The following HIBADH variants were observed in gnomAD, a reference collection of about 807,000 sequenced individuals.
HIBADH encodes the protein 3-hydroxyisobutyrate dehydrogenase, mitochondrial.
Under a neutral mutation model 36.1 loss-of-function variants are expected in HIBADH, and 25 were observed. That is an observed-to-expected ratio of 0.69 (90% confidence interval 0.50 to 0.97). HIBADH has a LOEUF of 0.97. Ranked by LOEUF, HIBADH falls within the 50% of genes least tolerant of loss-of-function variation. The pLI is 0.00. For missense variants in HIBADH, 421 were observed against 418.0 expected, an observed-to-expected ratio of 1.01 and a Z score of -0.06; for synonymous variants, 160 against 149.5, an observed-to-expected ratio of 1.07 and a Z score of -0.51.
chr7:27,570,477 T>C (rs1463122779), intron 4 of HIBADH, among the ~76,000 whole-genome samples: 1 of 152,188 alleles, frequency 6.6e-6, no homozygotes, highest in Non-Finnish European at 1.5e-5. Context: ...CACGATATTC[T>C]AGAAGAGGCA....
chr7:27,636,095 G>T (rs541224398), intron 2 of HIBADH, among the ~76,000 whole-genome samples: 77 of 152,180 alleles, frequency 5.1e-4, no homozygotes, highest in African/African-American at 1.7e-3. Context: ...CATGAGGAGG[G>T]GGGTGAAGAG....
chr7:27,662,877 C>A lies in HIBADH; in HGVS notation c.-89G>T. 2 of 1,107,876 alleles carry A rather than the reference C, an allele frequency of 1.8e-6. No individual in the cohort carries two copies. Among genetic ancestry groups the A allele is most frequent in the Non-Finnish European group, 2.4e-6 (2 of 835,204 alleles). 68.6% of individuals were successfully genotyped at this position (1,107,876 alleles called of 1,614,324 possible). On this transcript the variant is annotated 5_prime_UTR_variant, in exon 1 of 8. Coordinates refer to ENST00000265395, the MANE Select transcript of HIBADH (RefSeq NM_152740.4). ...GCGTGTGCAGCGGGACTGGCTGGCT[C>A]GCCCACGGAGAAGGGCGCGCGCGCA...
At chr7:27,596,774 G>A (rs1785040800) in intron 4 of HIBADH, among the ~76,000 whole-genome samples, 1 of 152,142 alleles carries the variant, frequency 6.6e-6, no homozygotes, top group Admixed American at 6.5e-5. Flanking sequence ...CTTACTGGCT[G>A]AGCATCCCAA....
chr7:27,637,004 C>T (rs1048101684), intron 2 of HIBADH, among the ~76,000 whole-genome samples: 1 of 152,146 alleles, frequency 6.6e-6, no homozygotes, highest in East Asian at 1.9e-4. Flanking sequence ...TATTCTCTTT[C>T]AACATATTCT....
chr7:27,644,660 G>T (rs1175459369), intron 2 of HIBADH, among the ~76,000 whole-genome samples: 1 of 150,906 alleles, frequency 6.6e-6, no homozygotes, highest in Non-Finnish European at 1.5e-5. Context: ...AGCTACTCGG[G>T]AGGCTGAGGC....
chr7:27,595,385 G>A (rs776534640), intron 4 of HIBADH, among the ~76,000 whole-genome samples: 1 of 152,034 alleles, frequency 6.6e-6, no homozygotes, highest in Non-Finnish European at 1.5e-5. Context: ...AGGCATTGTG[G>A]TACGTGCCTG....
At chr7:27,627,288 A>G (rs1372607604) in intron 4 of HIBADH, among the ~76,000 whole-genome samples, 2 of 152,060 alleles carry the variant, frequency 1.3e-5, no homozygotes, top group Non-Finnish European at 2.9e-5. Context: ...GAACCAACCA[A>G]CTCTGCACAG....
chr7:27,656,084 G>A (rs921427113), intron 1 of HIBADH, among the ~76,000 whole-genome samples: 1 of 152,128 alleles, frequency 6.6e-6, no homozygotes, highest in Non-Finnish European at 1.5e-5. Flanking sequence ...GAGTCAGGCA[G>A]TAAATTATTT....
intron 2 of HIBADH, among the ~76,000 whole-genome samples, chr7:27,633,418 G>A (rs1271927277): frequency 6.6e-6 from 1 of 152,174 alleles, no homozygotes; most frequent in Admixed American, 6.5e-5. Context: ...AGCACTTTGG[G>A]AGGCCGGAGC....
intron 4 of HIBADH, among the ~76,000 whole-genome samples, chr7:27,579,258 A>G (rs964302712): frequency 6.6e-6 from 1 of 152,218 alleles, no homozygotes; most frequent in African/African-American, 2.4e-5. Flanking sequence ...GATATATACT[A>G]AAAGTATTTA....
chr7:27,585,290 CGT>C (rs555250423), intron 4 of HIBADH, among the ~76,000 whole-genome samples: 12 of 151,734 alleles, frequency 7.9e-5, no homozygotes, highest in Non-Finnish European at 1.0e-4. Flanking sequence ...TATGCACACA[CGT>C]GTGTGTATGT....
intron 7 of HIBADH, among the ~76,000 whole-genome samples, chr7:27,527,570 GTTTGTT>G (rs1467125733): frequency 6.6e-6 from 1 of 152,116 alleles, no homozygotes; most frequent in Non-Finnish European, 1.5e-5. Flanking sequence ...GATAATGCAT[GTTTGTT>G]TTTGTATTTT....
intron 7 of HIBADH, among the ~76,000 whole-genome samples, chr7:27,527,370 A>G (rs1562609599): frequency 6.6e-6 from 1 of 152,234 alleles, no homozygotes; most frequent in African/African-American, 2.4e-5. Flanking sequence ...AGACAAGATC[A>G]GTTAAGATGT....
intron 4 of HIBADH, among the ~76,000 whole-genome samples, chr7:27,576,278 TTAA>T (rs1424889870): frequency 6.6e-6 from 1 of 152,322 alleles, no homozygotes; most frequent in African/African-American, 2.4e-5. Context: ...GGTAACAAGG[TTAA>T]TTATGTCTCA....
intron 2 of HIBADH, among the ~76,000 whole-genome samples, chr7:27,636,440 T>C (rs1299926545): frequency 2.0e-5 from 3 of 152,214 alleles, no homozygotes; most frequent in Non-Finnish European, 4.4e-5. Flanking sequence ...AAAAGCGCTT[T>C]GTGCCTACAT....
chr7:27,556,364 T>G (rs974048035), intron 4 of HIBADH, among the ~76,000 whole-genome samples: 1 of 152,214 alleles, frequency 6.6e-6, no homozygotes, highest in Non-Finnish European at 1.5e-5. Context: ...ATTTTGCAAA[T>G]AATTTCCCTC....
At position 27,648,183 on chromosome 7, in the gene HIBADH, C is replaced by T. The variant is rs73684021; in HGVS notation, c.252+1290G>A. On this transcript the variant is annotated intron_variant, in intron 2 of 7. Coordinates refer to ENST00000265395, the MANE Select transcript of HIBADH (RefSeq NM_152740.4). ...ACCATCTCTGAAGATGGTAAAAGGC[C>T]GCCTTTCCCAGATTCTCTACTATAC... 8.2e-3 allele frequency among the ~76,000 whole-genome samples: 1,242 copies of T among 152,258 alleles called. 12 individuals are homozygous for T. The highest frequency in any genetic ancestry group is 0.024 in the African/African-American group (981 of 41,552).
chr7:27,615,734 C>T (rs1785413959), intron 4 of HIBADH, among the ~76,000 whole-genome samples: 1 of 152,164 alleles, frequency 6.6e-6, no homozygotes, highest in African/African-American at 2.4e-5. Context: ...AACTCCGCTA[C>T]TAGTTTATGG....
chr7:27,641,881 A>C (rs1785967221), intron 2 of HIBADH, among the ~76,000 whole-genome samples: 1 of 152,184 alleles, frequency 6.6e-6, no homozygotes, highest in South Asian at 2.1e-4. Flanking sequence ...ACTGCTGTTA[A>C]AATCAATACT....
Sources: allele counts gnomAD v4.1 joint callset (sites outside exome capture counted in the v4.1 genomes callset), GRCh38; gene constraint gnomAD v4.1.1; transcripts MANE v1.5; gene names NCBI Gene and HGNC (gene_info 2026-07-23, HGNC 2026-07-21).